MCCC1: variants seen among roughly 807,000 people sequenced by gnomAD.
The protein encoded by MCCC1 is methylcrotonoyl-CoA carboxylase subunit alpha, mitochondrial.
Under a neutral mutation model 83.8 loss-of-function variants are expected in MCCC1, and 64 were observed. The observed-to-expected ratio is 0.76, with a 90% CI of 0.62 to 0.94. The LOEUF is 0.94. MCCC1 is among the 40% of genes least tolerant of loss of function. The pLI is 0.00. For missense variants in MCCC1, 807 were observed against 904.7 expected (o/e 0.89, Z 1.39); for synonymous variants, 322 against 315.4 (o/e 1.02, Z -0.22).
chr3:183,112,031 C>G (rs1719503490), intron 1 of MCCC1, among the ~76,000 whole-genome samples: 1 of 151,928 alleles, frequency 6.6e-6, no homozygotes, highest in African/African-American at 2.4e-5. Flanking sequence ...TGCTCTGAGT[C>G]TCTCTGGTCT....
intron 9 of MCCC1, among the ~76,000 whole-genome samples, chr3:183,050,960 G>A (rs1714931487): frequency 6.6e-6 from 1 of 152,144 alleles, no homozygotes; most frequent in East Asian, 1.9e-4. Flanking sequence ...TGTCATTAGG[G>A]AAGTGCAAAT....
intron 9 of MCCC1, among the ~76,000 whole-genome samples, chr3:183,047,114 A>G (rs1714614662): frequency 6.6e-6 from 1 of 152,220 alleles, no homozygotes; most frequent in African/African-American, 2.4e-5. Flanking sequence ...AAATACACCA[A>G]AACATTCAAG....
upstream of MCCC1, among the ~76,000 whole-genome samples, chr3:183,103,738 G>A (rs879184133): frequency 1.2e-4 from 19 of 152,192 alleles, no homozygotes; most frequent in South Asian, 2.1e-4. Context: ...GTCCCGCGCC[G>A]TGCGCCCGCA....
intron 13 of MCCC1, among the ~76,000 whole-genome samples, chr3:183,035,305 T>C (rs181129095): frequency 6.6e-6 from 1 of 152,272 alleles, no homozygotes; most frequent in African/African-American, 2.4e-5. Flanking sequence ...AAGGATAAAA[T>C]GAGGATAGAG....
chr3:183,053,879 T>A lies in MCCC1; in HGVS notation c.874-1639A>T, dbSNP rs1257836601. ...TTATAGAATTAAGGCTATAAAGAAT[T>A]TTTTTTTTTTTTTTTTGAGATGGAG... is the stretch of plus-strand genomic sequence containing the variant. On this transcript the variant is annotated intron_variant, in intron 8 of 18. Coordinates refer to ENST00000265594, the MANE Select transcript of MCCC1 (RefSeq NM_020166.5). 4.1e-4 allele frequency among the ~76,000 whole-genome samples: 60 copies of A among 145,330 alleles called. 1 individual carries two copies. Among genetic ancestry groups the A allele is most frequent in the African/African-American group, 1.3e-3 (52 of 40,148 alleles).
chr3:183,103,136 T>C (rs1340334143), upstream of MCCC1, among the ~76,000 whole-genome samples: 1 of 151,130 alleles, frequency 6.6e-6, no homozygotes, highest in Non-Finnish European at 1.5e-5. Flanking sequence ...TCTGGTGGGT[T>C]CCTGGTCTCA....
At chr3:183,112,709 G>A (rs760594716) in intron 1 of MCCC1, among the ~76,000 whole-genome samples, 9 of 152,040 alleles carry the variant, frequency 5.9e-5, no homozygotes, top group Non-Finnish European at 1.3e-4. Context: ...ATTTCAGCAT[G>A]TATACCAGCA....
intron 9 of MCCC1, among the ~76,000 whole-genome samples, chr3:183,046,995 T>G (rs1714605720): frequency 2.0e-5 from 3 of 152,180 alleles, no homozygotes; most frequent in Admixed American, 6.5e-5. Context: ...CAGGAGGACC[T>G]CACACTTTTG....
chr3:183,026,603 A>C (rs1712623718), intron 14 of MCCC1, among the ~76,000 whole-genome samples: 1 of 152,040 alleles, frequency 6.6e-6, no homozygotes, highest in African/African-American at 2.4e-5. Flanking sequence ...CCAGCTACTC[A>C]GGGGGCTGAG....
intron 14 of MCCC1, among the ~76,000 whole-genome samples, chr3:183,030,326 A>G (rs1712949576): frequency 6.6e-6 from 1 of 152,054 alleles, no homozygotes; most frequent in African/African-American, 2.4e-5. Flanking sequence ...AAACACAAAA[A>G]ACCAATACAC....
intron 10 of MCCC1, among the ~76,000 whole-genome samples, chr3:183,042,520 G>C (rs1056356007): frequency 6.6e-5 from 10 of 152,106 alleles, no homozygotes; most frequent in Non-Finnish European, 1.3e-4. Context: ...GGAAAATCTA[G>C]ACTCTAAGTA....
Position 183,015,345 on chromosome 3 carries a change from G to A in MCCC1, c.*93C>T. ...AAGCATACAATCATTTAGTAAAACT[G>A]CTCTTTATGAGACCCCCAGAAAAGC... On this transcript the variant is annotated 3_prime_UTR_variant, in exon 19 of 19. Coordinates refer to ENST00000265594, the MANE Select transcript of MCCC1 (RefSeq NM_020166.5). 1.5e-6 allele frequency: 2 copies of A among 1,349,844 alleles called. No homozygotes were observed. Among genetic ancestry groups the A allele is most frequent in the Middle Eastern group, 2.0e-4 (1 of 5,000 alleles). 83.6% of individuals were successfully genotyped at this position (1,349,844 alleles called of 1,614,324 possible).
intron 4 of MCCC1, among the ~76,000 whole-genome samples, chr3:183,080,778 G>C (rs187227658): frequency 1.4e-3 from 206 of 152,296 alleles, no homozygotes; most frequent in African/African-American, 4.6e-3. Flanking sequence ...GGCTGGATAG[G>C]CCTCACAATC....
chr3:183,096,160 AC>A (rs1205328301), intron 1 of MCCC1, among the ~76,000 whole-genome samples: 1 of 151,908 alleles, frequency 6.6e-6, no homozygotes, highest in Non-Finnish European at 1.5e-5. Context: ...ACATGGTGAA[AC>A]CCCATCTCTA....
chr3:183,112,544 G>T (rs1286658933), intron 1 of MCCC1, among the ~76,000 whole-genome samples: 1 of 152,116 alleles, frequency 6.6e-6, no homozygotes, highest in African/African-American at 2.4e-5. Flanking sequence ...TTACAAGAGT[G>T]GGTAGAATTA....
chr3:183,044,229 T>G (rs188786359), intron 10 of MCCC1, among the ~76,000 whole-genome samples: 105 of 152,324 alleles, frequency 6.9e-4, no homozygotes, highest in Non-Finnish European at 1.3e-3. Context: ...CTATATTACT[T>G]AACAGATTTT....
chr3:183,075,561 G>A (rs1172004035), intron 4 of MCCC1, among the ~76,000 whole-genome samples: 1 of 24,468 alleles, frequency 4.1e-5, no homozygotes, highest in African/African-American at 8.6e-5. Context: ...TTTTTTTTGA[G>A]ACAGAGTCTT....
chr3:183,091,475 T>C (rs1577360990), intron 3 of MCCC1, among the ~76,000 whole-genome samples: 1 of 151,996 alleles, frequency 6.6e-6, no homozygotes, highest in Admixed American at 6.6e-5. Flanking sequence ...GGCTGAGGCA[T>C]GAGAATCACT....
At chr3:183,016,953 C>G (rs919184892) in intron 18 of MCCC1, 14 of 402,540 alleles carry the variant, frequency 3.5e-5, no homozygotes, top group African/African-American at 2.7e-4. Flanking sequence ...CCAGAAACAC[C>G]AACAGTTAAC....
Sources: gnomAD v4.1 joint callset for allele counts (sites outside exome capture counted in the v4.1 genomes callset) on GRCh38, gnomAD v4.1.1 for gene constraint, MANE v1.5 for transcripts, NCBI Gene and HGNC (gene_info 2026-07-23, HGNC 2026-07-21) for gene names.